Variants in FAM81B observed in about 807,000 individuals in gnomAD.
FAM81B encodes family with sequence similarity 81 member B.
FAM81B carries 60 observed loss-of-function variants against 58.7 expected under a neutral mutation model. The observed-to-expected ratio is 1.02, with a 90% CI of 0.83 to 1.27. FAM81B has a LOEUF of 1.27. FAM81B is among the 50% of genes most tolerant of loss of function. The pLI, the probability that FAM81B is intolerant of heterozygous loss-of-function variation, is 0.00. For synonymous variants in FAM81B, 189 were observed against 179.6 expected (o/e 1.05, Z -0.42); for missense variants, 491 against 522.0 (o/e 0.94, Z 0.58).
intron 5 of FAM81B, among the ~76,000 whole-genome samples, chr5:95,421,810 A>G (rs921517601): frequency 1.3e-5 from 2 of 152,206 alleles, no homozygotes; most frequent in African/African-American, 4.8e-5. Context: ...GAGAAATAGA[A>G]TCTACAGGAT....
At chr5:95,421,874 T>C (rs936853760) in intron 5 of FAM81B, among the ~76,000 whole-genome samples, 3 of 152,166 alleles carry the variant, frequency 2.0e-5, no homozygotes, top group African/African-American at 7.2e-5. Context: ...TCAAGGATAG[T>C]GACCAAAGTT....
chr5:95,435,668 C>A (rs1561310674), intron 6 of FAM81B, among the ~76,000 whole-genome samples: 2 of 152,102 alleles, frequency 1.3e-5, no homozygotes, highest in African/African-American at 4.8e-5. Flanking sequence ...ATATTCACAG[C>A]TCTCTACTTT....
At chr5:95,423,336 CTTTA>C (rs1762735999) in intron 5 of FAM81B, among the ~76,000 whole-genome samples, 1 of 152,058 alleles carries the variant, frequency 6.6e-6, no homozygotes, top group African/African-American at 2.4e-5. Context: ...ATACCCTGTC[CTTTA>C]TTTAATAGAC....
rs1427795724 is a variant in FAM81B at position 95,392,860 on chromosome 5, G to T, written c.191G>T (p.Gly64Val). ...TAEEQPVEPDGPLPGSDNNQE... is the reference protein window; with the variant it reads ...TAEEQPVEPDVPLPGSDNNQE... ...GAGGAACAGCCAGTTGAACCTGATG[G>T]CCCCCTTCCTGGCTCAGACAATAAC... is the stretch of plus-strand genomic sequence containing the variant. The change falls in exon 2 of 10, where the codon GGC becomes GTC. Residue 64 changes from glycine to valine, a missense_variant. Coordinates refer to ENST00000283357, the MANE Select transcript of FAM81B (RefSeq NM_152548.3). 6.2e-7 allele frequency: 1 copy of T among 1,612,044 alleles called. No homozygotes were observed. The highest frequency in any genetic ancestry group is 1.7e-5 in the Admixed American group (1 of 59,654).
intron 3 of FAM81B, among the ~76,000 whole-genome samples, chr5:95,409,254 G>T (rs143651452): frequency 6.6e-6 from 1 of 152,064 alleles, no homozygotes; most frequent in Non-Finnish European, 1.5e-5. Flanking sequence ...CACCTTGCGG[G>T]TTCAAGTGAT....
rs1215672513 is a variant in FAM81B at position 95,450,064 on chromosome 5, A to T, written c.1226-85A>T. ...GCTTGGAATTAAATGATAATCAATT[A>T]TGGCAGGACTGCCGATTAGCAACTT... is the stretch of plus-strand genomic sequence containing the variant. On this transcript the variant is annotated intron_variant, in intron 9 of 9. Coordinates refer to ENST00000283357, the MANE Select transcript of FAM81B (RefSeq NM_152548.3). 2.1e-6 allele frequency: 3 copies of T among 1,411,558 alleles called. No homozygotes were observed. In the African/African-American group the frequency reaches 4.4e-5, roughly 21 times the overall value. The allele number at this position is 1,411,558 out of a possible 1,614,324, so 87.4% of individuals were successfully genotyped here. A position where few individuals can be genotyped will look rare whatever the true frequency, so the allele number is the denominator to read the frequency against.
intron 3 of FAM81B, among the ~76,000 whole-genome samples, chr5:95,408,451 G>A (rs10454984): frequency 6.6e-6 from 1 of 152,140 alleles, no homozygotes; most frequent in East Asian, 1.9e-4. Context: ...AGAATTATCA[G>A]GTATTACATT....
chr5:95,415,224 T>C (rs945486941), intron 4 of FAM81B, among the ~76,000 whole-genome samples: 3 of 152,208 alleles, frequency 2.0e-5, no homozygotes, highest in Non-Finnish European at 4.4e-5. Flanking sequence ...CTACAGATAG[T>C]GTACTTTAGG....
At chr5:95,449,971 T>C (rs2152771636) in intron 9 of FAM81B, among the ~76,000 whole-genome samples, 178 bp from the exon 10 acceptor site, 1 of 152,370 alleles carries the variant, frequency 6.6e-6, no homozygotes, top group African/African-American at 2.4e-5. Context: ...CTATTGTGAA[T>C]GGATCTTCAT....
In FAM81B at chr5:95,446,561, G is replaced by T. The variant is rs1745567778; in HGVS notation, c.894-1G>T. 3 of 1,573,798 alleles carry T rather than the reference G, an allele frequency of 1.9e-6. No individual in the cohort carries two copies. The highest frequency in any genetic ancestry group is 1.4e-5 in the African/African-American group (1 of 72,308). ...ATGAAACAAAACATTTTTTCCCATA[G>T]ATTTCATTCACTTTCAAGTAATCTG... On this transcript the variant is annotated splice_acceptor_variant, in intron 7 of 9. Coordinates refer to ENST00000283357, the MANE Select transcript of FAM81B (RefSeq NM_152548.3). LOFTEE classifies it high-confidence loss of function.
At chr5:95,440,561 A>T in intron 7 of FAM81B, 1 of 577,002 alleles carries the variant, frequency 1.7e-6, no homozygotes. Context: ...AAGCTGCTCA[A>T]ATTCTGCAAT....
chr5:95,421,418 G>A (rs901962433), intron 5 of FAM81B, among the ~76,000 whole-genome samples: 2 of 152,168 alleles, frequency 1.3e-5, no homozygotes, highest in Non-Finnish European at 2.9e-5. Flanking sequence ...AAGAACTGAG[G>A]GAAGGATCAC....
intron 5 of FAM81B, among the ~76,000 whole-genome samples, chr5:95,426,918 G>A (rs981877891): frequency 6.6e-6 from 1 of 152,138 alleles, no homozygotes; most frequent in Non-Finnish European, 1.5e-5. Flanking sequence ...GCGTGGTGGC[G>A]CATGCCTGTA....
At chr5:95,401,086 G>A (rs1479293435) in intron 3 of FAM81B, among the ~76,000 whole-genome samples, 4 of 152,146 alleles carry the variant, frequency 2.6e-5, no homozygotes, top group Non-Finnish European at 5.9e-5. Flanking sequence ...ACTGATACAG[G>A]GACTCTGTTT....
rs1410772653 is a variant in FAM81B, at chr5:95,436,790, C to G, written c.787-10C>G. The G allele has an allele frequency of 1.1e-5, 17 of 1,583,468 alleles. No homozygotes were observed. In the East Asian group the frequency reaches 3.8e-4, roughly 35 times the overall value. ...GTTCATATGCACAAACCCTCTCGTA[C>G]TTTGACTAGGTGATGCAGCTCTTAG... On this transcript the variant is annotated splice_polypyrimidine_tract_variant and intron_variant, in intron 6 of 9. Transcript: ENST00000283357.
At chr5:95,403,148 C>T (rs13171507) in intron 3 of FAM81B, among the ~76,000 whole-genome samples, 34,625 of 152,142 alleles carry the variant, frequency 0.23, 4,189 homozygotes, top group Middle Eastern at 0.29. Context: ...ATCACCTATG[C>T]GCTTGCTTAA....
intron 3 of FAM81B, among the ~76,000 whole-genome samples, chr5:95,413,587 C>T (rs907982398): frequency 6.6e-6 from 1 of 152,146 alleles, no homozygotes; most frequent in Non-Finnish European, 1.5e-5. Flanking sequence ...GGAAAACTCT[C>T]TAACACAGTC....
intron 2 of FAM81B, 144 bp downstream of exon 2, chr5:95,393,041 T>C: frequency 3.0e-6 from 2 of 665,100 alleles, no homozygotes; most frequent in Non-Finnish European, 4.7e-6. Context: ...AAATGGCTGC[T>C]GAAAACACAA....
rs1167610386 is a variant in FAM81B, at chr5:95,449,197, G to C, written c.1225+733G>C. Among the ~76,000 whole-genome samples the C allele has an allele frequency of 3.6e-4, 54 of 151,892 alleles. 1 individual carries two copies. The highest frequency in any genetic ancestry group is 3.5e-3 in the Admixed American group (53 of 15,258). On this transcript the variant is annotated intron_variant, in intron 9 of 9. Transcript: ENST00000283357. ...TTCATGTGTAAATTCTACCAAATTT[G>C]GTCCTGTATAGAGATACCTTGGAGG...
Sources: gnomAD v4.1 joint callset for allele counts (sites outside exome capture counted in the v4.1 genomes callset) on GRCh38, gnomAD v4.1.1 for gene constraint, MANE v1.5 for transcripts, NCBI Gene and HGNC (gene_info 2026-07-23, HGNC 2026-07-21) for gene names.